SH3D19: variants seen among roughly 807,000 people sequenced by gnomAD.
SH3D19 encodes the protein SH3 domain-containing protein 19.
In SH3D19, 58 loss-of-function variants were observed where a neutral mutation model predicts 112.1. The ratio of observed to expected loss-of-function variants is 0.52; its 90% CI spans 0.42 to 0.64. The LOEUF (loss-of-function observed/expected upper bound fraction) is 0.64. Among genes scored for constraint, SH3D19 ranks in the 30% least tolerant of loss-of-function variants. The probability of loss-of-function intolerance (pLI) is 0.00; values close to 1 mark genes in which losing one functional copy is unlikely to be tolerated. For synonymous variants in SH3D19, 391 were observed against 448.5 expected, an observed-to-expected ratio of 0.87 and a Z score of 1.62; for missense variants, 1,090 against 1,263.4, an observed-to-expected ratio of 0.86 and a Z score of 2.08.
At chr4:151,190,559 A>T (rs2149858222) in intron 2 of SH3D19, among the ~76,000 whole-genome samples, 1 of 152,354 alleles carries the variant, frequency 6.6e-6, no homozygotes, top group Middle Eastern at 3.4e-3. Flanking sequence ...GAAAGGGGAC[A>T]ACGTAGAGCT....
chr4:151,134,117 T>C (rs1458328565), intron 15 of SH3D19, among the ~76,000 whole-genome samples: 1 of 152,242 alleles, frequency 6.6e-6, no homozygotes, highest in African/African-American at 2.4e-5. Context: ...AGACACAGTA[T>C]ATGCTGCTTA....
intron 1 of SH3D19, among the ~76,000 whole-genome samples, chr4:151,241,729 A>G (rs1387572014): frequency 6.6e-6 from 1 of 151,824 alleles, no homozygotes; most frequent in Non-Finnish European, 1.5e-5. Flanking sequence ...ACTCTATGGT[A>G]TATGAATTAT....
intron 1 of SH3D19, among the ~76,000 whole-genome samples, chr4:151,276,248 C>G (rs1012069100): frequency 6.6e-6 from 1 of 152,192 alleles, no homozygotes; most frequent in African/African-American, 2.4e-5. Flanking sequence ...CTCCACAGAC[C>G]TAGCACCCTA....
Position 151,273,546 on chromosome 4 carries a change from C to T in SH3D19, c.113-47460G>A, listed in dbSNP as rs376866681. The stretch of plus-strand genomic sequence containing the variant: ...CGGAGGTTGCAGTGAGCCGAGATTA[C>T]GCCACTGCACTCCAGCCTGGGCGAC... On this transcript the variant is annotated intron_variant, in intron 1 of 19. Transcript: ENST00000604030. Among the ~76,000 whole-genome samples, 161 of 144,668 alleles carry T rather than the reference C, an allele frequency of 1.1e-3. 1 individual carries two copies. Among genetic ancestry groups the T allele is most frequent in the Middle Eastern group, 0.011 (3 of 272 alleles). 94.9% of individuals were successfully genotyped at this position (144,668 alleles called of 152,430 possible).
chr4:151,288,912 C>T (rs1373168336), intron 1 of SH3D19, among the ~76,000 whole-genome samples: 2 of 152,112 alleles, frequency 1.3e-5, no homozygotes, highest in Admixed American at 1.3e-4. Flanking sequence ...TCCTAAACTG[C>T]ATATGGAAAT....
chr4:151,246,461 G>A (rs1021041111), intron 1 of SH3D19, among the ~76,000 whole-genome samples: 1 of 152,202 alleles, frequency 6.6e-6, no homozygotes, highest in African/African-American at 2.4e-5. Flanking sequence ...GAGTGGGTAT[G>A]ATCTTTCTGG....
At chr4:151,263,310 G>A (rs146705437) in intron 1 of SH3D19, among the ~76,000 whole-genome samples, 2 of 152,180 alleles carry the variant, frequency 1.3e-5, no homozygotes, top group Admixed American at 1.3e-4. Flanking sequence ...AGATGCTGGG[G>A]TCCAGAGGTT....
intron 2 of SH3D19, among the ~76,000 whole-genome samples, chr4:151,211,323 T>C (rs1765932051): frequency 6.6e-6 from 1 of 152,094 alleles, no homozygotes. Context: ...GTGTGTGTTC[T>C]GACTGTTCCA....
intron 1 of SH3D19, chr4:151,277,140 C>G (rs374419059): frequency 7.3e-7 from 1 of 1,373,342 alleles, no homozygotes; most frequent in Non-Finnish European, 9.5e-7. Context: ...GTCCAGGAAG[C>G]AGGAAGCGCT....
At position 151,128,264 on chromosome 4, in the gene SH3D19, G is replaced by C. The variant is rs781524751; in HGVS notation, c.2835C>G (p.Ile945Met). The C allele has an allele frequency of 6.2e-7, 1 of 1,614,076 alleles. No homozygotes were observed. Among genetic ancestry groups the C allele is most frequent in the South Asian group, 1.1e-5 (1 of 91,068 alleles). The change falls in exon 18 of 20, where the codon ATC becomes ATG. Residue 945 changes from isoleucine to methionine, a missense_variant. Physicochemically the swap from Ile to Met is conservative, Grantham distance 10 (BLOSUM62 1). Coordinates refer to ENST00000604030, the MANE Select transcript of SH3D19 (RefSeq NM_001378122.1). Reference protein sequence around the residue: ...DDLSFKRGDRIQILERLDSDW... With the variant: ...DDLSFKRGDRMQILERLDSDW... Reference sequence around the variant, plus strand: ...CAGAATCCAGACGTTCCAGAATCTGGATCCGGTCTCCCCTCTTGAATGATA... The same window carrying C: ...CAGAATCCAGACGTTCCAGAATCTGCATCCGGTCTCCCCTCTTGAATGATA...
At chr4:151,270,911 G>A (rs550205818) in intron 1 of SH3D19, among the ~76,000 whole-genome samples, 7 of 152,210 alleles carry the variant, frequency 4.6e-5, no homozygotes, top group East Asian at 1.9e-4. Flanking sequence ...TGATATACAC[G>A]TACTAGAGAA....
At chr4:151,180,627 C>G (rs1242436709) in intron 3 of SH3D19, among the ~76,000 whole-genome samples, 1 of 149,010 alleles carries the variant, frequency 6.7e-6, no homozygotes, top group East Asian at 2.0e-4. Context: ...AGGATGGTCT[C>G]GATCTCCCGA....
chr4:151,126,951 G>T (rs2149724657), intron 19 of SH3D19, among the ~76,000 whole-genome samples: 2 of 140,718 alleles, frequency 1.4e-5, no homozygotes, highest in Middle Eastern at 3.8e-3. Context: ...CATTGCCTTT[G>T]TGGACAAGAG....
chr4:151,161,419 A>G (rs965487839), intron 8 of SH3D19, among the ~76,000 whole-genome samples: 1 of 152,074 alleles, frequency 6.6e-6, no homozygotes, highest in African/African-American at 2.4e-5. Context: ...ATTCTGAGGA[A>G]TTGATTTTTG....
chr4:151,275,429 T>A (rs1019296284), intron 1 of SH3D19, among the ~76,000 whole-genome samples: 4 of 152,168 alleles, frequency 2.6e-5, no homozygotes, highest in African/African-American at 9.7e-5. Flanking sequence ...CTCAAAACAA[T>A]AGCTTTAAAA....
At chr4:151,285,658 G>A (rs1229845456) in intron 1 of SH3D19, among the ~76,000 whole-genome samples, 1 of 152,114 alleles carries the variant, frequency 6.6e-6, no homozygotes, top group East Asian at 1.9e-4. Flanking sequence ...ACTGGAAAAA[G>A]AAGTTCAAGA....
At chr4:151,320,757 G>A (rs1322152310) in intron 1 of SH3D19, among the ~76,000 whole-genome samples, 2 of 152,084 alleles carry the variant, frequency 1.3e-5, no homozygotes, top group Admixed American at 6.5e-5. Flanking sequence ...AAAAAAAACA[G>A]AACCGGGCAC....
chr4:151,207,387 G>A (rs1214371323), intron 2 of SH3D19, among the ~76,000 whole-genome samples: 2 of 152,126 alleles, frequency 1.3e-5, no homozygotes, highest in African/African-American at 4.8e-5. Context: ...ACTTCTGAGT[G>A]GCCTATCTTT....
chr4:151,122,863 T>A (rs916786397), intron 19 of SH3D19, among the ~76,000 whole-genome samples: 102 of 149,916 alleles, frequency 6.8e-4, no homozygotes, highest in African/African-American at 2.4e-3. Flanking sequence ...TTTTTTTTTT[T>A]TTTTTTGAGA....
Sources: gnomAD v4.1 joint callset for allele counts (sites outside exome capture counted in the v4.1 genomes callset) on GRCh38, gnomAD v4.1.1 for gene constraint, MANE v1.5 for transcripts, NCBI Gene and HGNC (gene_info 2026-07-23, HGNC 2026-07-21) for gene names.